The following RFTN1 variants were observed in gnomAD, a reference collection of about 807,000 sequenced individuals.
The protein encoded by RFTN1 is raftlin, lipid raft linker 1.
A neutral mutation model predicts 46.5 loss-of-function variants in RFTN1; 26 were observed. The observed-to-expected ratio is 0.56, with a 90% CI of 0.41 to 0.78. RFTN1 has a LOEUF of 0.78. Ranked by LOEUF, RFTN1 falls within the 30% of genes least tolerant of loss-of-function variation. The probability of loss-of-function intolerance (pLI) is 0.00; values close to 1 mark genes in which losing one functional copy is unlikely to be tolerated. For synonymous variants in RFTN1, 261 were observed against 284.2 expected, an observed-to-expected ratio of 0.92 and a Z score of 0.82; for missense variants, 693 against 718.7, an observed-to-expected ratio of 0.96 and a Z score of 0.41.
intron 3 of RFTN1, among the ~76,000 whole-genome samples, chr3:16,412,539 G>A (rs1032727130): frequency 6.6e-6 from 1 of 152,164 alleles, no homozygotes; most frequent in Non-Finnish European, 1.5e-5. Flanking sequence ...ACTGGAGGTG[G>A]GGAGTGAGGT....
Position 16,459,547 on chromosome 3 carries a change from C to T in RFTN1, c.146-25510G>A, listed in dbSNP as rs185556600. The stretch of plus-strand genomic sequence containing the variant: ...GTTCAAGGCTACAGTGAGCTGTGAT[C>T]GTGCCACTGCACTCAGCCTGGGTGA... On this transcript the variant is annotated intron_variant, in intron 2 of 9. Coordinates refer to ENST00000334133, the MANE Select transcript of RFTN1 (RefSeq NM_015150.2). The surrounding 1 kb of genome is among the most constrained non-coding windows in gnomAD (Gnocchi z 4.2). Among the ~76,000 whole-genome samples the T allele has an allele frequency of 7.7e-4, 117 of 152,204 alleles. No homozygotes were observed. Among genetic ancestry groups the T allele is most frequent in the Middle Eastern group, 3.4e-3 (1 of 294 alleles).
Position 16,341,268 on chromosome 3 carries a change from T to C in RFTN1, c.1147-14392A>G, listed in dbSNP as rs1434646769. Among the ~76,000 whole-genome samples the C allele has an allele frequency of 2.6e-5, 4 of 152,326 alleles. No individual in the cohort carries two copies. Among genetic ancestry groups the C allele is most frequent in the Non-Finnish European group, 5.9e-5 (4 of 68,020 alleles). ...TGGCAGTTTCTTACAAAACTAGACA[T>C]ACTTTACAATATGATCCAGCAATCA... is the stretch of plus-strand genomic sequence containing the variant. On this transcript the variant is annotated intron_variant, in intron 7 of 9. Coordinates refer to ENST00000334133, the MANE Select transcript of RFTN1 (RefSeq NM_015150.2). The surrounding 1 kb of genome is among the most constrained non-coding windows in gnomAD (Gnocchi z 4.7).
In RFTN1 at chr3:16,425,767, C is replaced by A. The variant is rs546838030; in HGVS notation, c.332+8084G>T. Among the ~76,000 whole-genome samples the A allele has an allele frequency of 2.0e-5, 3 of 151,898 alleles. No homozygotes were observed. The South Asian group carries it at 6.3e-4, about 32-fold the overall frequency. The stretch of plus-strand genomic sequence containing the variant: ...CGGTGAATCCTGAAACTTCAACACA[C>A]CAGAAAAGGGTGTCACTCCAGAGTG... On this transcript the variant is annotated intron_variant, in intron 3 of 9. Transcript: ENST00000334133. The surrounding 1 kb of genome is among the most constrained non-coding windows in gnomAD (Gnocchi z 4.3).
Position 16,327,018 on chromosome 3 carries a change from C to T in RFTN1, c.1147-142G>A. ...CCACTCAGAGGCTCCTGCTCCGATG[C>T]TTGCTGAAGACTTTAAAAGTTTGGA... On this transcript the variant is annotated intron_variant, in intron 7 of 9. Transcript: ENST00000334133. This position sits in a 1 kb window ranked among gnomAD's most constrained non-coding sequence, Gnocchi z 4.2. 1.7e-6 allele frequency: 1 copy of T among 600,474 alleles called. No individual in the cohort carries two copies. The highest frequency in any genetic ancestry group is 2.9e-6 in the Non-Finnish European group (1 of 343,954). 37.2% of individuals were successfully genotyped at this position (600,474 alleles called of 1,614,324 possible). A position where few individuals can be genotyped will look rare whatever the true frequency, so the allele number is the denominator to read the frequency against.
At chr3:16,501,985 C>T (rs879728732) in intron 1 of RFTN1, among the ~76,000 whole-genome samples, 24 of 152,150 alleles carry the variant, frequency 1.6e-4, no homozygotes, top group Non-Finnish European at 3.4e-4. Context: ...TTATAAAATC[C>T]ATACTTTTGA....
At chr3:16,486,990 C>T (rs951657357) in intron 2 of RFTN1, among the ~76,000 whole-genome samples, 16 of 152,218 alleles carry the variant, frequency 1.1e-4, no homozygotes, top group Non-Finnish European at 2.2e-4. Flanking sequence ...CCCGTCTTCC[C>T]TCCCTCCCTC....
rs1660437053 is a variant in RFTN1, at chr3:16,334,634, C to G, written c.1147-7758G>C. 6.6e-6 allele frequency among the ~76,000 whole-genome samples: 1 copy of G among 152,148 alleles called. No individual in the cohort carries two copies. The highest frequency in any genetic ancestry group is 6.5e-5 in the Admixed American group (1 of 15,280). On this transcript the variant is annotated intron_variant, in intron 7 of 9. Transcript: ENST00000334133. The surrounding 1 kb of genome is among the most constrained non-coding windows in gnomAD (Gnocchi z 4.3). ...GAGGGACAATGAGAGGGAATGAATT[C>G]TATTCTAGACACCCTGAGTTTGAGG...
Position 16,320,501 on chromosome 3 carries a change from A to C in RFTN1, c.1332+2875T>G, listed in dbSNP as rs1221283425. 6.6e-6 allele frequency among the ~76,000 whole-genome samples: 1 copy of C among 152,242 alleles called. No homozygotes were observed. The highest frequency in any genetic ancestry group is 1.9e-4 in the East Asian group (1 of 5,206). ...AAAATCTGGGTACACAACACAGGAA[A>C]AAGGTCTTTGCTCTTGTGGAGACTA... On this transcript the variant is annotated intron_variant, in intron 9 of 9. Coordinates refer to ENST00000334133, the MANE Select transcript of RFTN1 (RefSeq NM_015150.2). This position sits in a 1 kb window ranked among gnomAD's most constrained non-coding sequence, Gnocchi z 4.5.
In RFTN1 at chr3:16,370,152, C is replaced by A; in HGVS notation, c.954G>T (p.Trp318Cys). Residue 318 changes from tryptophan (W) to cysteine (C), a missense_variant, in exon 6 of 10, where the codon TGG becomes TGT. Transcript: ENST00000334133. The surrounding 1 kb of genome is among the most constrained non-coding windows in gnomAD (Gnocchi z 5.5). ...GQTVSGLDAN[W>C]LEHMSDHFRK... is the part of the protein sequence containing the mutation. ...GGAAGTGGTCGCTCATGTGCTCTAA[C>A]CAGTTGGCGTCCAAACCGCTCACTG... 3.7e-6 allele frequency: 6 copies of A among 1,614,238 alleles called. No homozygotes were observed. Among genetic ancestry groups the A allele is most frequent in the Non-Finnish European group, 5.1e-6 (6 of 1,180,040 alleles).
Position 16,377,882 on chromosome 3 carries a change from G to A in RFTN1, c.662C>T (p.Pro221Leu). 6.2e-7 allele frequency: 1 copy of A among 1,614,206 alleles called. No individual in the cohort carries two copies. Among genetic ancestry groups the A allele is most frequent in the Non-Finnish European group, 8.5e-7 (1 of 1,180,032 alleles). ...CSAPAGRNQS[P>L]EPSSGPRGEV... is the part of the protein sequence containing the mutation. ...CCCTCTGGGGCCTGAGCTGGGCTCT[G>A]GGCTTTGGTTTCTCCCAGCCGGAGC... Residue 221 changes from proline (P) to leucine (L), a missense_variant, in exon 5 of 10, where the codon CCA (proline) becomes CTA (leucine). Physicochemically the swap from Pro to Leu is moderately conservative, Grantham distance 98. Coordinates refer to ENST00000334133, the MANE Select transcript of RFTN1 (RefSeq NM_015150.2).
intron 1 of RFTN1, among the ~76,000 whole-genome samples, chr3:16,503,378 G>C (rs1479876684): frequency 6.6e-6 from 1 of 152,226 alleles, no homozygotes; most frequent in Non-Finnish European, 1.5e-5. Context: ...ACCCTGAGCT[G>C]TGGCAGTGGC....
chr3:16,357,797 T>C (rs1393063083), intron 7 of RFTN1, 135 bp downstream of exon 7: 2 of 653,618 alleles, frequency 3.1e-6, no homozygotes, highest in African/African-American at 3.6e-5. Flanking sequence ...AAGGGGATCC[T>C]TCTAGGACCT....
Position 16,407,240 on chromosome 3 carries a change from T to C in RFTN1, c.441+2135A>G, listed in dbSNP as rs2074880318. Among the ~76,000 whole-genome samples the C allele has an allele frequency of 6.6e-6, 1 of 152,226 alleles. No individual in the cohort carries two copies. The highest frequency in any genetic ancestry group is 2.4e-5 in the African/African-American group (1 of 41,460). ...CTCTGTCAGCCAGGCTGGAGTGCAG[T>C]GGTGCAATCATAGCTCACTGTGGTC... is the stretch of plus-strand genomic sequence containing the variant. On this transcript the variant is annotated intron_variant, in intron 4 of 9. Coordinates refer to ENST00000334133, the MANE Select transcript of RFTN1 (RefSeq NM_015150.2). This position sits in a 1 kb window ranked among gnomAD's most constrained non-coding sequence, Gnocchi z 4.0.
In RFTN1 at chr3:16,433,150, G is replaced by A. The variant is rs1383195267; in HGVS notation, c.332+701C>T. On this transcript the variant is annotated intron_variant, in intron 3 of 9. Coordinates refer to ENST00000334133, the MANE Select transcript of RFTN1 (RefSeq NM_015150.2). This position sits in a 1 kb window ranked among gnomAD's most constrained non-coding sequence, Gnocchi z 4.4. ...TTTATGAAAGCAGGAAAAACATACT[G>A]CTCTCTCCATCCCATCCTCACTGTT... Among the ~76,000 whole-genome samples, 2 of 149,192 alleles carry A rather than the reference G, an allele frequency of 1.3e-5. No homozygotes were observed. The highest frequency in any genetic ancestry group is 3.0e-5 in the Non-Finnish European group (2 of 67,642).
At chr3:16,445,483 T>TCACACACACACACACA (rs10681518) in intron 2 of RFTN1, among the ~76,000 whole-genome samples, 64 of 126,852 alleles carry the variant, frequency 5.0e-4, no homozygotes, top group African/African-American at 1.7e-3. Context: ...TCTCTCTCTC[T>TCACACACACACACACA]CACACACACA....
chr3:16,376,551 C>T lies in RFTN1; in HGVS notation c.826+1167G>A, dbSNP rs1269372041. Among the ~76,000 whole-genome samples, 2 of 152,142 alleles carry T rather than the reference C, an allele frequency of 1.3e-5. No individual in the cohort carries two copies. Among genetic ancestry groups the T allele is most frequent in the Non-Finnish European group, 2.9e-5 (2 of 68,028 alleles). ...ACTAAGACCTGGGCGTTCATGAGGA[C>T]GACACACTGGGCTTAAATGCATGCT... On this transcript the variant is annotated intron_variant, in intron 5 of 9. Coordinates refer to ENST00000334133, the MANE Select transcript of RFTN1 (RefSeq NM_015150.2). The surrounding 1 kb of genome is among the most constrained non-coding windows in gnomAD (Gnocchi z 4.7).
rs1450662803 is a variant in RFTN1 at position 16,470,306 on chromosome 3, G to A, written c.145+23419C>T. 5.3e-5 allele frequency among the ~76,000 whole-genome samples: 8 copies of A among 152,126 alleles called. No homozygotes were observed. In the South Asian group the frequency reaches 1.0e-3, roughly 20 times the overall value. On this transcript the variant is annotated intron_variant, in intron 2 of 9. Transcript: ENST00000334133. ...AAAGCAACTTTCTGAGGGCACTGGA[G>A]AGGAAGCCAAGGCAGGCAGATACTG...
chr3:16,392,470 G>A (rs1053309272), intron 4 of RFTN1, among the ~76,000 whole-genome samples: 55 of 152,184 alleles, frequency 3.6e-4, no homozygotes, highest in African/African-American at 1.2e-3. Flanking sequence ...CACACAGATG[G>A]GAAAGTTCAA....
intron 2 of RFTN1, chr3:16,482,936 C>A: frequency 1.0e-6 from 1 of 1,000,742 alleles, no homozygotes; most frequent in Non-Finnish European, 1.5e-6. Flanking sequence ...CAACTCTGAC[C>A]CTGGGGCCTC....
Sources: gnomAD v4.1 joint callset for allele counts (sites outside exome capture counted in the v4.1 genomes callset) on GRCh38, gnomAD v4.1.1 for gene constraint, Gnocchi (gnomAD v3.1) non-coding constraint, MANE v1.5 for transcripts, NCBI Gene and HGNC (gene_info 2026-07-23, HGNC 2026-07-21) for gene names.